PDE1C: variants seen among roughly 807,000 people sequenced by gnomAD.
PDE1C encodes the protein dual specificity calcium/calmodulin-dependent 3',5'-cyclic nucleotide phosphodiesterase 1C.
A neutral mutation model predicts 93.1 loss-of-function variants in PDE1C; 62 were observed. That is an observed-to-expected ratio of 0.67 (90% CI 0.54 to 0.82). The LOEUF is 0.82. Among genes scored for constraint, PDE1C ranks in the 40% least tolerant of loss-of-function variants. The pLI is 0.00. For missense variants in PDE1C, 742 were observed against 884.6 expected (o/e 0.84, Z 2.04); for synonymous variants, 325 against 310.1 (o/e 1.05, Z -0.50).
At chr7:31,867,875 C>T (rs1356755075) in intron 6 of PDE1C, among the ~76,000 whole-genome samples, 1 of 152,226 alleles carries the variant, frequency 6.6e-6, no homozygotes, top group Non-Finnish European at 1.5e-5. Flanking sequence ...AGTGAAACTT[C>T]ACCACAGCCT....
At chr7:31,755,310 T>C (rs1794388327) in intron 17 of PDE1C, among the ~76,000 whole-genome samples, 1 of 152,198 alleles carries the variant, frequency 6.6e-6, no homozygotes, top group Non-Finnish European at 1.5e-5. Flanking sequence ...TAGATATGTG[T>C]ATGTACATGA....
At chr7:31,835,983 G>T (rs1006787669) in intron 11 of PDE1C, among the ~76,000 whole-genome samples, 3 of 152,182 alleles carry the variant, frequency 2.0e-5, no homozygotes, top group Non-Finnish European at 4.4e-5. Flanking sequence ...CAGTTTGCGG[G>T]ACGAAGTTGT....
chr7:31,934,010 G>A (rs1384701802), intron 2 of PDE1C, among the ~76,000 whole-genome samples: 1 of 152,006 alleles, frequency 6.6e-6, no homozygotes, highest in Non-Finnish European at 1.5e-5. Flanking sequence ...CTTTTTCAAG[G>A]CATTTGAACA....
At chr7:31,812,122 C>T (rs1326701591) in intron 15 of PDE1C, among the ~76,000 whole-genome samples, 14 of 152,070 alleles carry the variant, frequency 9.2e-5, no homozygotes, top group African/African-American at 3.1e-4. Context: ...GTAATATAGT[C>T]CCGAACCACC....
intron 3 of PDE1C, among the ~76,000 whole-genome samples, chr7:32,142,206 G>A (rs1250006603): frequency 6.6e-6 from 1 of 152,112 alleles, no homozygotes; most frequent in Non-Finnish European, 1.5e-5. Context: ...GAAGGAGGAG[G>A]AAATAGAGGA....
the PDE1C span, among the ~76,000 whole-genome samples, chr7:31,673,373 T>C: frequency 6.6e-6 from 1 of 151,992 alleles, no homozygotes; most frequent in Non-Finnish European, 1.5e-5. Context: ...GAATTCTTTT[T>C]ATATGTGGTC....
At chr7:31,956,173 A>G (rs538329768) in intron 2 of PDE1C, among the ~76,000 whole-genome samples, 3 of 151,752 alleles carry the variant, frequency 2.0e-5, no homozygotes, top group Admixed American at 6.6e-5. Context: ...GGCTCACTGC[A>G]ACTTCCGCCT....
chr7:32,408,156 A>G (rs1341108392), intron 1 of PDE1C, among the ~76,000 whole-genome samples: 2 of 152,232 alleles, frequency 1.3e-5, no homozygotes, highest in African/African-American at 4.8e-5. Flanking sequence ...GTACGCCAAG[A>G]GGCTACATTA....
intron 1 of PDE1C, among the ~76,000 whole-genome samples, chr7:32,406,622 T>C (rs145549500): frequency 0.015 from 2,223 of 151,674 alleles, 28 homozygotes; most frequent in Middle Eastern, 0.027. Context: ...TTCAGAAGGG[T>C]TTCCAATTAT....
chr7:31,946,508 T>G (rs775099382), intron 2 of PDE1C, among the ~76,000 whole-genome samples: 1 of 152,210 alleles, frequency 6.6e-6, no homozygotes, highest in African/African-American at 2.4e-5. Flanking sequence ...AATGATTGTA[T>G]CTTAAACTAG....
At chr7:32,307,950 G>A (rs904182656) in intron 1 of PDE1C, among the ~76,000 whole-genome samples, 1 of 152,238 alleles carries the variant, frequency 6.6e-6, no homozygotes, top group Admixed American at 6.5e-5. Flanking sequence ...CTTGGGAAGT[G>A]CAAGGGGTCG....
chr7:32,097,877 A>G (rs1160404632), intron 3 of PDE1C, among the ~76,000 whole-genome samples: 1 of 152,114 alleles, frequency 6.6e-6, no homozygotes, highest in African/African-American at 2.4e-5. Context: ...AAGTCACAAG[A>G]TAAGGAAAGG....
the PDE1C span, among the ~76,000 whole-genome samples, chr7:31,629,546 T>C: frequency 6.6e-6 from 1 of 152,198 alleles, no homozygotes; most frequent in Non-Finnish European, 1.5e-5. Flanking sequence ...TAAGGTAGTA[T>C]TTTGATATGA....
chr7:32,097,016 G>A (rs1254358939), intron 3 of PDE1C, among the ~76,000 whole-genome samples: 1 of 152,194 alleles, frequency 6.6e-6, no homozygotes, highest in African/African-American at 2.4e-5. Flanking sequence ...GCAGGCTCAG[G>A]ACTCAAGAAG....
intron 3 of PDE1C, among the ~76,000 whole-genome samples, chr7:32,158,211 G>C (rs1040109661): frequency 6.6e-6 from 1 of 152,138 alleles, no homozygotes; most frequent in African/African-American, 2.4e-5. Context: ...TCCTATTTCT[G>C]ACTTTGCAGA....
the PDE1C span, among the ~76,000 whole-genome samples, chr7:31,690,203 A>G: frequency 6.6e-6 from 1 of 152,380 alleles, no homozygotes; most frequent in East Asian, 1.9e-4. Flanking sequence ...GAATCTTTTC[A>G]TTATACAACG....
chr7:31,978,026 T>C (rs1019161892), intron 2 of PDE1C, among the ~76,000 whole-genome samples: 3 of 152,146 alleles, frequency 2.0e-5, no homozygotes, highest in Non-Finnish European at 4.4e-5. Context: ...AAGATATAAA[T>C]AAGTGAAATA....
At chr7:31,695,397 G>A in the PDE1C span, 3 of 1,417,834 alleles carry the variant, frequency 2.1e-6, no homozygotes, top group Admixed American at 4.5e-5. Context: ...GTGCAATTAG[G>A]AACCAAACAG....
chr7:32,426,825 A>C (rs1181173143), intron 1 of PDE1C, among the ~76,000 whole-genome samples: 2 of 152,202 alleles, frequency 1.3e-5, no homozygotes, highest in African/African-American at 4.8e-5. Context: ...CAGTAAGTTA[A>C]ACTGTAAGCC....
Sources: allele counts gnomAD v4.1 joint callset (sites outside exome capture counted in the v4.1 genomes callset), GRCh38; gene constraint gnomAD v4.1.1; transcripts MANE v1.5; gene names NCBI Gene and HGNC (gene_info 2026-07-23, HGNC 2026-07-21).